Variants in EYA4 observed in about 807,000 individuals in gnomAD.
EYA4 encodes protein phosphatase EYA4.
Under a neutral mutation model 87.9 loss-of-function variants are expected in EYA4, and 31 were observed. The ratio of observed to expected loss-of-function variants is 0.35; its 90% CI spans 0.27 to 0.48. The LOEUF is 0.48. Ranked by LOEUF, EYA4 falls within the 20% of genes least tolerant of loss-of-function variation. EYA4 has a pLI of 0.99. For missense variants in EYA4, 678 were observed against 761.4 expected (o/e 0.89, Z 1.29); for synonymous variants, 263 against 270.6 (o/e 0.97, Z 0.28).
intron 13 of EYA4, among the ~76,000 whole-genome samples, chr6:133,483,597 C>A (rs536061786): frequency 6.6e-6 from 1 of 151,472 alleles, no homozygotes; most frequent in African/African-American, 2.4e-5. Context: ...CGAGGTAACA[C>A]CCCCTCCCAT....
At chr6:133,349,405 G>T (rs1886983) in intron 2 of EYA4, among the ~76,000 whole-genome samples, 13,526 of 152,142 alleles carry the variant, frequency 0.089, 760 homozygotes, top group East Asian at 0.16. Context: ...TTATTTCAGT[G>T]TTGTATACTT....
At chr6:133,341,268 A>G (rs1325253788) in intron 2 of EYA4, among the ~76,000 whole-genome samples, 2 of 152,228 alleles carry the variant, frequency 1.3e-5, no homozygotes, top group African/African-American at 4.8e-5. Context: ...TGGCATGAGA[A>G]TAAATCCTGG....
chr6:133,491,658 A>C (rs1797164897), intron 13 of EYA4, among the ~76,000 whole-genome samples: 1 of 152,172 alleles, frequency 6.6e-6, no homozygotes, highest in Admixed American at 6.5e-5. Flanking sequence ...TGCAATAAAA[A>C]GTACCCCAGC....
Position 133,299,584 on chromosome 6 carries a change from C to T in EYA4, c.33+24771C>T, listed in dbSNP as rs867831981. ...AAAATTAGCCAGGTGTAGTGGCGGG[C>T]GCCTGTGGTCCCAGCTACTCGGGAG... On this transcript the variant is annotated intron_variant, in intron 2 of 19. Transcript: ENST00000355286. Among the ~76,000 whole-genome samples, 333 of 151,304 alleles carry T rather than the reference C, an allele frequency of 2.2e-3. 1 individual carries two copies. Among genetic ancestry groups the T allele is most frequent in the African/African-American group, 7.6e-3 (315 of 41,272 alleles).
intron 2 of EYA4, among the ~76,000 whole-genome samples, chr6:133,278,774 T>C (rs1381621927): frequency 1.3e-5 from 2 of 152,196 alleles, no homozygotes; most frequent in African/African-American, 4.8e-5. Flanking sequence ...TTTTAAGAGA[T>C]AAGCAACTAA....
chr6:133,319,067 A>G (rs1351575072), intron 2 of EYA4, among the ~76,000 whole-genome samples: 1 of 152,158 alleles, frequency 6.6e-6, no homozygotes, highest in African/African-American at 2.4e-5. Context: ...TCTGATTTGT[A>G]TGGTGTAGAT....
chr6:133,295,016 T>A (rs983563928), intron 2 of EYA4, among the ~76,000 whole-genome samples: 1 of 152,230 alleles, frequency 6.6e-6, no homozygotes, highest in African/African-American at 2.4e-5. Flanking sequence ...AGACTCTGAA[T>A]TAATATCAAT....
At chr6:133,435,645 G>C (rs142717623) in intron 3 of EYA4, 1 of 152,154 alleles carries the variant, frequency 6.6e-6, no homozygotes, top group Admixed American at 6.5e-5. Context: ...AAATATGTCG[G>C]TTTAACATGA....
At chr6:133,491,628 T>A (rs1454266676) in intron 13 of EYA4, among the ~76,000 whole-genome samples, 3 of 151,848 alleles carry the variant, frequency 2.0e-5, no homozygotes, top group Admixed American at 2.0e-4. Flanking sequence ...AACACACCAA[T>A]AACAAGTAGA....
At chr6:133,374,577 G>T (rs1332310566) in intron 2 of EYA4, among the ~76,000 whole-genome samples, 2 of 152,004 alleles carry the variant, frequency 1.3e-5, no homozygotes, top group Non-Finnish European at 2.9e-5. Context: ...TTAAAGAAGG[G>T]TTATGGCAGG....
At chr6:133,341,472 A>C (rs759625316) in intron 2 of EYA4, among the ~76,000 whole-genome samples, 4 of 152,202 alleles carry the variant, frequency 2.6e-5, no homozygotes, top group Non-Finnish European at 5.9e-5. Flanking sequence ...GATGTGGATA[A>C]AACATTAACA....
At chr6:133,334,198 G>T (rs1782193185) in intron 2 of EYA4, among the ~76,000 whole-genome samples, 1 of 152,202 alleles carries the variant, frequency 6.6e-6, no homozygotes, top group Non-Finnish European at 1.5e-5. Context: ...ATTCGAATTA[G>T]CAGATGCATA....
At chr6:133,280,576 T>G (rs1777542025) in intron 2 of EYA4, among the ~76,000 whole-genome samples, 1 of 152,032 alleles carries the variant, frequency 6.6e-6, no homozygotes, top group Admixed American at 6.6e-5. Flanking sequence ...TTTTGTATTT[T>G]TAGTAGAGAT....
At chr6:133,506,799 A>C (rs1798670038) in intron 14 of EYA4, among the ~76,000 whole-genome samples, 1 of 152,202 alleles carries the variant, frequency 6.6e-6, no homozygotes, top group African/African-American at 2.4e-5. Flanking sequence ...ATCAACAGCA[A>C]AATGAAACGA....
chr6:133,359,930 AT>A (rs1784334350), intron 2 of EYA4, among the ~76,000 whole-genome samples: 1 of 152,168 alleles, frequency 6.6e-6, no homozygotes, highest in South Asian at 2.1e-4. Context: ...AACTTAACAA[AT>A]GCAATCAGAC....
At chr6:133,317,930 C>A (rs1367833350) in intron 2 of EYA4, among the ~76,000 whole-genome samples, 1 of 151,836 alleles carries the variant, frequency 6.6e-6, no homozygotes. Flanking sequence ...CCACCCATTC[C>A]CTCATCCATC....
chr6:133,376,267 T>G (rs1165883430), intron 2 of EYA4, among the ~76,000 whole-genome samples: 1 of 151,804 alleles, frequency 6.6e-6, no homozygotes, highest in Non-Finnish European at 1.5e-5. Context: ...CACAGTTCAG[T>G]GAAGAAGTAG....
At position 133,529,241 on chromosome 6, in the gene EYA4, A is replaced by G; in HGVS notation, c.*436A>G. ...CCTAACCCAGAAAATCTGAATTGGA[A>G]TGCACTCAGACTGTATAAGGACAGT... On this transcript the variant is annotated 3_prime_UTR_variant, in exon 20 of 20. Transcript: ENST00000355286. 8.8e-7 allele frequency: 1 copy of G among 1,131,850 alleles called. No individual in the cohort carries two copies. Among genetic ancestry groups the G allele is most frequent in the Non-Finnish European group, 1.1e-6 (1 of 916,228 alleles). The allele number at this position is 1,131,850 out of a possible 1,614,324, so 70.1% of individuals were successfully genotyped here. A position where few individuals can be genotyped will look rare whatever the true frequency, so the allele number is the denominator to read the frequency against.
chr6:133,489,592 G>A (rs1314158884), intron 13 of EYA4, among the ~76,000 whole-genome samples: 2 of 151,754 alleles, frequency 1.3e-5, no homozygotes, highest in Admixed American at 6.6e-5. Flanking sequence ...AGGAGGGAGT[G>A]GCATGACATT....
Sources: gnomAD v4.1 joint callset for allele counts (sites outside exome capture counted in the v4.1 genomes callset) on GRCh38, gnomAD v4.1.1 for gene constraint, MANE v1.5 for transcripts, NCBI Gene and HGNC (gene_info 2026-07-23, HGNC 2026-07-21) for gene names.